Variants in DSCAML1 observed in about 807,000 individuals in gnomAD.
The protein encoded by DSCAML1 is DS cell adhesion molecule like 1.
Under a neutral mutation model 200.5 loss-of-function variants are expected in DSCAML1, and 38 were observed. The ratio of observed to expected loss-of-function variants is 0.19; its 90% CI spans 0.15 to 0.25. The LOEUF (loss-of-function observed/expected upper bound fraction) is 0.25. Ranked by LOEUF, DSCAML1 falls within the 10% of genes least tolerant of loss-of-function variation. The pLI, the probability that DSCAML1 is intolerant of heterozygous loss-of-function variation, is 1.00. For missense variants in DSCAML1, 2,223 were observed against 2,858.8 expected (o/e 0.78, Z 5.07); for synonymous variants, 1,215 against 1,165.0 (o/e 1.04, Z -0.87).
rs563980096 is a variant in DSCAML1 at position 117,439,736 on chromosome 11, G to C, written c.3980+83C>G. 276 of 1,328,698 alleles carry C rather than the reference G, an allele frequency of 2.1e-4. 2 individuals are homozygous for C. The South Asian group carries it at 3.1e-3, about 15-fold the overall frequency. The allele number at this position is 1,328,698 out of a possible 1,614,324, so 82.3% of individuals were successfully genotyped here. A position where few individuals can be genotyped will look rare whatever the true frequency, so the allele number is the denominator to read the frequency against. On this transcript the variant is annotated intron_variant, in intron 22 of 32. Coordinates refer to ENST00000651296, the MANE Select transcript of DSCAML1 (RefSeq NM_020693.4). ...GAGGCAACCGGGTCACCAGGCAGGA[G>C]GGCCCCAGACTCTTCTCCACACCGC...
chr11:117,687,518 A>G (rs905293142), intron 3 of DSCAML1, among the ~76,000 whole-genome samples: 1 of 147,656 alleles, frequency 6.8e-6, no homozygotes, highest in Non-Finnish European at 1.5e-5. Context: ...CTCCTGCCTC[A>G]GCCTCTGAAA....
In DSCAML1 at chr11:117,516,797, AG is replaced by A. The variant is rs2049777255; in HGVS notation, c.1511-59del. ...AGAAGGGCATGTGCTGCTGTCAGCCAGGGACAGCCAGGCACCACCCTGCGGT... is the reference window on the plus strand; with the variant it reads ...AGAAGGGCATGTGCTGCTGTCAGCCAGGACAGCCAGGCACCACCCTGCGGT... On this transcript the variant is annotated intron_variant, in intron 7 of 32. Coordinates refer to ENST00000651296, the MANE Select transcript of DSCAML1 (RefSeq NM_020693.4). This position sits in a 1 kb window ranked among gnomAD's most constrained non-coding sequence, Gnocchi z 5.7. 6.4e-7 allele frequency: 1 copy of A among 1,559,842 alleles called. No homozygotes were observed.
intron 11 of DSCAML1, among the ~76,000 whole-genome samples, chr11:117,486,486 T>G (rs1034255769): frequency 8.3e-6 from 1 of 120,036 alleles, no homozygotes; most frequent in Non-Finnish European, 1.7e-5. Context: ...GATGTGAAAA[T>G]GGTGGATGTG....
At chr11:117,678,600 G>C (rs2053258910) in intron 3 of DSCAML1, among the ~76,000 whole-genome samples, 1 of 152,222 alleles carries the variant, frequency 6.6e-6, no homozygotes, top group Non-Finnish European at 1.5e-5. Context: ...TTTCCGAAAA[G>C]GTGACATTCC....
rs1565280812 is a variant in DSCAML1, at chr11:117,780,252, GAAA to G, written c.364+238_364+240del. On this transcript the variant is annotated intron_variant, in intron 2 of 32. Transcript: ENST00000651296. This position sits in a 1 kb window ranked among gnomAD's most constrained non-coding sequence, Gnocchi z 4.8. ...GAAAGGAAAGAAAGAAAGAAAGAAA[GAAA>G]GAAAGAAAGAAAGAAAGAAAGAAAG... Among the ~76,000 whole-genome samples the G allele has an allele frequency of 3.3e-4, 23 of 70,202 alleles. No individual in the cohort carries two copies. The highest frequency in any genetic ancestry group is 4.6e-4 in the Non-Finnish European group (15 of 32,646). 46.1% of individuals were successfully genotyped at this position (70,202 alleles called of 152,430 possible). A position where few individuals can be genotyped will look rare whatever the true frequency, so the allele number is the denominator to read the frequency against.
intron 3 of DSCAML1, among the ~76,000 whole-genome samples, chr11:117,769,880 T>C (rs1298934566): frequency 6.6e-6 from 1 of 152,096 alleles, no homozygotes; most frequent in Non-Finnish European, 1.5e-5. Context: ...ATGTTGTCCC[T>C]TATTCTTTTT....
rs764497608 is a variant in DSCAML1, at chr11:117,458,858, C to T, written c.3464G>A (p.Arg1155Gln). 2.2e-5 allele frequency: 35 copies of T among 1,613,940 alleles called. No homozygotes were observed. Among genetic ancestry groups the T allele is most frequent in the Admixed American group, 3.3e-5 (2 of 59,994 alleles). Residue 1155 changes from arginine to glutamine, a missense_variant, in exon 19 of 33, where the codon CGG (arginine) becomes CAG (glutamine). Physicochemically the swap from Arg to Gln is conservative, Grantham distance 43 (BLOSUM62 1). Around this residue, in one of 7 missense-constraint regions of DSCAML1, gnomAD observed 438 missense variants for 629.7 expected, o/e 0.70. Coordinates refer to ENST00000651296, the MANE Select transcript of DSCAML1 (RefSeq NM_020693.4). ...ITTTRERVEL[R>Q]GMEKFTNYSV... ...GTAGTTGGTGAACTTCTCCATGCCC[C>T]GCAGCTCCACCCGCTCCCGCGTGGT...
chr11:117,594,636 C>T (rs1013078194), intron 3 of DSCAML1, among the ~76,000 whole-genome samples: 4 of 152,202 alleles, frequency 2.6e-5, no homozygotes, highest in African/African-American at 7.2e-5. Flanking sequence ...CCTGACATCC[C>T]GCAGACCTGC....
Position 117,537,428 on chromosome 11 carries a change from G to T in DSCAML1, c.512-4906C>A, listed in dbSNP as rs533607680. Among the ~76,000 whole-genome samples, 6 of 152,310 alleles carry T rather than the reference G, an allele frequency of 3.9e-5. No homozygotes were observed. In the East Asian group the frequency reaches 1.2e-3, roughly 29 times the overall value. The stretch of plus-strand genomic sequence containing the variant: ...GTCTTGTGGAAGCTATGAGTAAAAG[G>T]AGCTGTACAAAGGGGGGCTGGGCCA... On this transcript the variant is annotated intron_variant, in intron 3 of 32. Transcript: ENST00000651296.
chr11:117,719,366 C>T (rs1384695425), intron 3 of DSCAML1, among the ~76,000 whole-genome samples: 1 of 152,216 alleles, frequency 6.6e-6, no homozygotes, highest in African/African-American at 2.4e-5. Flanking sequence ...ATCACTTGAA[C>T]CCGGGCGGCG....
intron 15 of DSCAML1, among the ~76,000 whole-genome samples, chr11:117,470,663 G>A (rs115754045): frequency 0.016 from 2,366 of 152,224 alleles, 70 homozygotes; most frequent in African/African-American, 0.054. Context: ...CTCATGAACC[G>A]GTACACTAGC....
intron 3 of DSCAML1, among the ~76,000 whole-genome samples, chr11:117,609,042 A>C (rs568059389): frequency 2.7e-5 from 4 of 149,450 alleles, no homozygotes; most frequent in African/African-American, 1.0e-4. Context: ...AAACAAAAAA[A>C]ACAAAAATTG....
intron 4 of DSCAML1, among the ~76,000 whole-genome samples, chr11:117,530,506 C>T (rs922064122): frequency 2.2e-4 from 34 of 152,180 alleles, no homozygotes; most frequent in African/African-American, 7.7e-4. Context: ...GGAGCAGCCC[C>T]GTCCCCTACT....
intron 11 of DSCAML1, among the ~76,000 whole-genome samples, chr11:117,485,861 C>T (rs2049037097): frequency 6.6e-6 from 1 of 152,216 alleles, no homozygotes; most frequent in Admixed American, 6.5e-5. Flanking sequence ...CCAGAGTCAA[C>T]CTCCATTGAA....
intron 3 of DSCAML1, among the ~76,000 whole-genome samples, chr11:117,581,484 CA>C (rs1343994137): frequency 3.3e-5 from 5 of 152,122 alleles, no homozygotes; most frequent in Admixed American, 2.0e-4. Flanking sequence ...TCCTGGCAAC[CA>C]CTGATCTGTT....
intron 14 of DSCAML1, 58 bp from the exon 15 acceptor site, chr11:117,472,094 A>G: frequency 1.3e-6 from 2 of 1,592,910 alleles, no homozygotes; most frequent in South Asian, 1.1e-5. Context: ...ACCCCTTCCC[A>G]GCCTGAAGTA....
At chr11:117,512,779 A>ACACACACACACACACACACACACC (rs1565753970) in intron 8 of DSCAML1, among the ~76,000 whole-genome samples, 2 of 148,510 alleles carry the variant, frequency 1.3e-5, no homozygotes, top group African/African-American at 5.0e-5. Flanking sequence ...ACACACACAC[A>ACACACACACACACACACACACACC]CACACACACA....
rs913039108 is a variant in DSCAML1, at chr11:117,498,770, G to C, written c.2359+5075C>G. Among the ~76,000 whole-genome samples the C allele has an allele frequency of 6.6e-6, 1 of 152,272 alleles. No homozygotes were observed. On this transcript the variant is annotated intron_variant, in intron 11 of 32. Transcript: ENST00000651296. The surrounding 1 kb of genome is among the most constrained non-coding windows in gnomAD (Gnocchi z 4.0). ...GTTTGGCCCCAAGCTCCCCGCTCCT[G>C]ATGTTGTGGCTGCGCAGCTGGGTGT...
chr11:117,498,906 G>A lies in DSCAML1; in HGVS notation c.2359+4939C>T, dbSNP rs1329279732. ...GCCCTTATGGGTTTAATTGGCCATG[G>A]GCTTTGTCTAGAACCCAATCACTGG... On this transcript the variant is annotated intron_variant, in intron 11 of 32. Transcript: ENST00000651296. The surrounding 1 kb of genome is among the most constrained non-coding windows in gnomAD (Gnocchi z 4.0). Among the ~76,000 whole-genome samples the A allele has an allele frequency of 6.6e-6, 1 of 152,188 alleles. No individual in the cohort carries two copies. Among genetic ancestry groups the A allele is most frequent in the Non-Finnish European group, 1.5e-5 (1 of 68,050 alleles).
Sources: gnomAD v4.1 joint callset for allele counts (sites outside exome capture counted in the v4.1 genomes callset) on GRCh38, gnomAD v4.1.1 for gene constraint, gnomAD v4.1.1 regional missense constraint, Gnocchi (gnomAD v3.1) non-coding constraint, MANE v1.5 for transcripts, NCBI Gene and HGNC (gene_info 2026-07-23, HGNC 2026-07-21) for gene names.